Variants in PPP2R5C observed in about 807,000 individuals in gnomAD.
The protein encoded by PPP2R5C is serine/threonine-protein phosphatase 2A 56 kDa regulatory subunit gamma isoform.
A neutral mutation model predicts 68.9 loss-of-function variants in PPP2R5C; 7 were observed. The observed-to-expected ratio is 0.10, with a 90% confidence interval of 0.06 to 0.19. The LOEUF (loss-of-function observed/expected upper bound fraction) is 0.19. Ranked by LOEUF, PPP2R5C falls within the 10% of genes least tolerant of loss-of-function variation. The pLI, the probability that PPP2R5C is intolerant of heterozygous loss-of-function variation, is 1.00. For synonymous variants in PPP2R5C, 210 were observed against 222.2 expected, an observed-to-expected ratio of 0.95 and a Z score of 0.49; for missense variants, 348 against 641.3, an observed-to-expected ratio of 0.54 and a Z score of 4.94.
chr14:101,761,677 A>ACGCCGCCGCTGCCGCCGCCGCTGCCGC (rs935154771), upstream of PPP2R5C: 1 of 192,874 alleles, frequency 5.2e-6, no homozygotes, highest in Non-Finnish European at 8.3e-6. Flanking sequence ...GGGCGGAGAG[A>ACGCCGCCGCTGCCGCCGCCGCTGCCGC]CGCCGCCGCT....
Position 101,912,502 on chromosome 14 carries a change from G to C in PPP2R5C, c.1326+29G>C, listed in dbSNP as rs781320199. On this transcript the variant is annotated intron_variant, in intron 12 of 13. Coordinates refer to ENST00000334743, the Ensembl canonical transcript of PPP2R5C. Reference sequence around the variant, plus strand: ...CTAAAAAAGAGAATAACATGAAAACGCCCAGGGTTACTTGAATGTTTTTAT... The same window carrying C: ...CTAAAAAAGAGAATAACATGAAAACCCCCAGGGTTACTTGAATGTTTTTAT... 5 of 1,584,772 alleles carry C rather than the reference G, an allele frequency of 3.2e-6. No individual in the cohort carries two copies. In the African/African-American group the frequency reaches 6.9e-5, roughly 22 times the overall value.
In PPP2R5C at chr14:101,877,943, G is replaced by GT. The variant is rs1414195056; in HGVS notation, c.295-4217dup. ...GCTGTATCAGTCTGCTCAGGCTGCCGTAAGAAAATACCACAGGCTGGTGGC... is the reference window on the plus strand; with the variant it reads ...GCTGTATCAGTCTGCTCAGGCTGCCGTTAAGAAAATACCACAGGCTGGTGGC... On this transcript the variant is annotated intron_variant, in intron 2 of 13. Coordinates refer to ENST00000334743, the Ensembl canonical transcript of PPP2R5C. The surrounding 1 kb of genome is among the most constrained non-coding windows in gnomAD (Gnocchi z 4.2). Among the ~76,000 whole-genome samples, 2 of 152,186 alleles carry GT rather than the reference G, an allele frequency of 1.3e-5. No individual in the cohort carries two copies. The highest frequency in any genetic ancestry group is 4.8e-5 in the African/African-American group (2 of 41,440).
At chr14:101,857,754 C>T (rs2140582241) in intron 2 of PPP2R5C, among the ~76,000 whole-genome samples, 1 of 152,250 alleles carries the variant, frequency 6.6e-6, no homozygotes, top group South Asian at 2.1e-4. Flanking sequence ...GAAACTAGTA[C>T]CCCCCACACA....
At chr14:101,836,451 T>C (rs924913738) in intron 1 of PPP2R5C, 2 of 677,050 alleles carry the variant, frequency 3.0e-6, no homozygotes, top group Non-Finnish European at 5.4e-6. Flanking sequence ...GGTTTTGTAT[T>C]GTAAATGAGT....
At chr14:101,809,998 A>G (rs774324643) in exon 1 of PPP2R5C, 15 of 1,613,940 alleles carry the variant, frequency 9.3e-6, no homozygotes, top group East Asian at 2.2e-5. Context: ...GCCAACTCCA[A>G]TGGGCCTTTC....
intron 13 of PPP2R5C, among the ~76,000 whole-genome samples, chr14:101,918,328 G>A (rs533640531): frequency 4.0e-5 from 6 of 148,750 alleles, no homozygotes; most frequent in South Asian, 2.1e-4. Context: ...TCTTCACAGC[G>A]GGTGCTAACA....
upstream of PPP2R5C, among the ~76,000 whole-genome samples, chr14:101,807,109 G>T (rs1477767830): frequency 6.6e-6 from 1 of 152,156 alleles, no homozygotes; most frequent in Non-Finnish European, 1.5e-5. Context: ...ATTTGGGGGG[G>T]TGGTTTTGAT....
chr14:101,845,026 T>C (rs2041739277), intron 1 of PPP2R5C, among the ~76,000 whole-genome samples: 1 of 152,146 alleles, frequency 6.6e-6, no homozygotes. Flanking sequence ...CAAGGCTTTC[T>C]AGAACTAGAG....
At chr14:101,774,413 T>C (rs2037311051) in intron 2 of PPP2R5C, among the ~76,000 whole-genome samples, 1 of 152,164 alleles carries the variant, frequency 6.6e-6, no homozygotes. Flanking sequence ...AGAAGGTGTG[T>C]GGGGATAAGG....
chr14:101,802,241 C>T (rs993850004), intron 3 of PPP2R5C, among the ~76,000 whole-genome samples: 1 of 152,058 alleles, frequency 6.6e-6, no homozygotes, highest in Non-Finnish European at 1.5e-5. Context: ...GGTGAAACCC[C>T]GTCTGTATTA....
intron 5 of PPP2R5C, among the ~76,000 whole-genome samples, chr14:101,884,981 C>T (rs2044401848): frequency 6.6e-6 from 1 of 152,254 alleles, no homozygotes; most frequent in Admixed American, 6.5e-5. Flanking sequence ...GCAGTTTCTT[C>T]TACAAGTTAC....
At chr14:101,844,352 A>T (rs113401260) in intron 1 of PPP2R5C, among the ~76,000 whole-genome samples, 1 of 152,002 alleles carries the variant, frequency 6.6e-6, no homozygotes, top group Admixed American at 6.5e-5. Context: ...TTGGACACAC[A>T]CGTGCACACA....
At chr14:101,799,314 T>C (rs2140131061) in intron 3 of PPP2R5C, among the ~76,000 whole-genome samples, 1 of 152,280 alleles carries the variant, frequency 6.6e-6, no homozygotes, top group East Asian at 1.9e-4. Context: ...TGGCCGGAGC[T>C]GTATTTAGTT....
chr14:101,845,545 CTTCA>C (rs2041775156), intron 1 of PPP2R5C, among the ~76,000 whole-genome samples: 1 of 151,730 alleles, frequency 6.6e-6, no homozygotes, highest in East Asian at 1.9e-4. Flanking sequence ...TAGAATTTAG[CTTCA>C]ACCACTGCCT....
exon 9 of PPP2R5C, chr14:101,901,722 G>T: frequency 6.2e-7 from 1 of 1,613,184 alleles, no homozygotes; most frequent in Non-Finnish European, 8.5e-7. Flanking sequence ...TTTGTAGGTG[G>T]TGATGGCACT....
intron 1 of PPP2R5C, chr14:101,823,709 C>T (rs752671478): frequency 7.0e-6 from 7 of 999,292 alleles, no homozygotes; most frequent in Non-Finnish European, 8.5e-6. Context: ...GTGACAGAGA[C>T]CAGATACCGG....
At position 101,882,447 on chromosome 14, in the gene PPP2R5C, G is replaced by C. The variant is rs1025374405; in HGVS notation, c.405+176G>C. The stretch of plus-strand genomic sequence containing the variant: ...TCAGCAGAATAAAGTTAATGTGTGT[G>C]TTTGACCACTTTACAACAGCCAGTG... On this transcript the variant is annotated intron_variant, in intron 3 of 13. Transcript: ENST00000334743. The surrounding 1 kb of genome is among the most constrained non-coding windows in gnomAD (Gnocchi z 4.9). 2 of 493,896 alleles carry C rather than the reference G, an allele frequency of 4.0e-6. No individual in the cohort carries two copies. The highest frequency in any genetic ancestry group is 3.9e-5 in the African/African-American group (2 of 50,754). The allele number at this position is 493,896 out of a possible 1,614,324, so 30.6% of individuals were successfully genotyped here.
At chr14:101,850,915 G>A (rs12589350) in intron 1 of PPP2R5C, among the ~76,000 whole-genome samples, 15,010 of 152,226 alleles carry the variant, frequency 0.099, 822 homozygotes, top group Non-Finnish European at 0.13. Flanking sequence ...ACATATTAAT[G>A]ATGAATCCCA....
chr14:101,893,170 A>T, intron 7 of PPP2R5C, 62 bp downstream of exon 9: 1 of 1,181,034 alleles, frequency 8.5e-7, no homozygotes, highest in Non-Finnish European at 1.3e-6. Context: ...TGAACACGAG[A>T]TAGTGAATCC....
Sources: allele counts gnomAD v4.1 joint callset (sites outside exome capture counted in the v4.1 genomes callset), GRCh38; gene constraint gnomAD v4.1.1; non-coding constraint Gnocchi (gnomAD v3.1); transcripts MANE v1.5; gene names NCBI Gene and HGNC (gene_info 2026-07-23, HGNC 2026-07-21).